The following CEP126 variants were observed in gnomAD, a reference collection of about 807,000 sequenced individuals.
CEP126 encodes the protein centrosomal protein of 126 kDa.
CEP126 carries 74 observed loss-of-function variants against 107.8 expected under a neutral mutation model. The observed-to-expected ratio is 0.69, with a 90% CI of 0.57 to 0.83. The LOEUF is 0.83. Among genes scored for constraint, CEP126 ranks in the 40% least tolerant of loss-of-function variants. CEP126 has a pLI of 0.00. For missense variants in CEP126, 1,237 were observed against 1,281.9 expected, an observed-to-expected ratio of 0.96 and a Z score of 0.53; for synonymous variants, 449 against 446.0, an observed-to-expected ratio of 1.01 and a Z score of -0.08.
intron 4 of CEP126, among the ~76,000 whole-genome samples, chr11:101,950,046 C>A (rs775727774): frequency 1.3e-5 from 2 of 152,194 alleles, no homozygotes; most frequent in Non-Finnish European, 1.5e-5. Flanking sequence ...AGCAAGGGAT[C>A]ATTCAGTCTC....
chr11:101,948,198 G>T, intron 4 of CEP126, 56 bp downstream of exon 4: 1 of 1,062,862 alleles, frequency 9.4e-7, no homozygotes, highest in South Asian at 1.6e-5. Flanking sequence ...TAACCATCTA[G>T]TTACTGTGCT....
At chr11:101,922,579 T>C (rs1235076566) in intron 1 of CEP126, 62 bp from the exon 2 acceptor site, 1 of 1,286,346 alleles carries the variant, frequency 7.8e-7, no homozygotes. Context: ...ATTTATCATA[T>C]AGCACTGACA....
chr11:101,953,248 C>T lies in CEP126; in HGVS notation c.507-4920C>T, dbSNP rs534329673. Among the ~76,000 whole-genome samples the T allele has an allele frequency of 1.6e-4, 25 of 152,272 alleles. 1 individual carries two copies. In the South Asian group the frequency reaches 5.0e-3, roughly 30 times the overall value. On this transcript the variant is annotated intron_variant, in intron 4 of 10. Transcript: ENST00000263468. ...CAGATACCTGTGGTTTCTTTGCAGT[C>T]CTCTTAGTCCAGATGTGGTTTACCA...
intron 9 of CEP126, among the ~76,000 whole-genome samples, chr11:101,991,016 T>C (rs980547296): frequency 6.6e-6 from 1 of 150,596 alleles, no homozygotes; most frequent in Non-Finnish European, 1.5e-5. Flanking sequence ...TACAAAAAAT[T>C]CAAAAAAAAA....
intron 2 of CEP126, among the ~76,000 whole-genome samples, chr11:101,942,076 C>G (rs1031353943): frequency 6.6e-6 from 1 of 151,912 alleles, no homozygotes; most frequent in African/African-American, 2.4e-5. Flanking sequence ...CTCTCATTTC[C>G]TGTGTGGCCT....
chr11:101,923,963 C>A (rs1325996804), intron 2 of CEP126, among the ~76,000 whole-genome samples: 1 of 152,096 alleles, frequency 6.6e-6, no homozygotes, highest in African/African-American at 2.4e-5. Flanking sequence ...CAGTGTCTGA[C>A]ACATAGGACT....
chr11:101,954,882 G>T (rs1345584113), intron 4 of CEP126, among the ~76,000 whole-genome samples: 1 of 152,074 alleles, frequency 6.6e-6, no homozygotes, highest in Admixed American at 6.5e-5. Context: ...TATTGAAAAT[G>T]TAATTAAGCT....
chr11:101,938,940 T>C lies in CEP126; in HGVS notation c.249-5325T>C, dbSNP rs1940630143. Among the ~76,000 whole-genome samples, 3 of 152,302 alleles carry C rather than the reference T, an allele frequency of 2.0e-5. No homozygotes were observed. In the South Asian group the frequency reaches 6.2e-4, roughly 32 times the overall value. On this transcript the variant is annotated intron_variant, in intron 2 of 10. Transcript: ENST00000263468. ...ATGTGTTTTGGTCAAAAACATACCC[T>C]GTAAGATTTTAATCTTATGAAATTC... is the stretch of plus-strand genomic sequence containing the variant.
At chr11:101,965,596 A>T (rs1941048855) in intron 6 of CEP126, among the ~76,000 whole-genome samples, 1 of 152,214 alleles carries the variant, frequency 6.6e-6, no homozygotes, top group African/African-American at 2.4e-5. Flanking sequence ...TCAGAATGTA[A>T]CTTTAGCTTT....
chr11:101,966,742 T>C (rs1467520440), intron 6 of CEP126, among the ~76,000 whole-genome samples: 2 of 152,216 alleles, frequency 1.3e-5, no homozygotes, highest in Non-Finnish European at 2.9e-5. Context: ...ATTCTGGACC[T>C]CATCAACATT....
In CEP126 at chr11:101,963,270, G is replaced by A. The variant is rs757844765; in HGVS notation, c.2235G>A (p.Lys745=). ...KIPVHDDSKT[K]QGKPQRGRAK... The stretch of plus-strand genomic sequence containing the variant: ...CTGTACATGATGATTCTAAAACTAA[G>A]CAAGGTAAGCCACAAAGAGGTAGAG... The change falls in exon 6 of 11, where the codon AAG becomes AAA. Residue 745 remains lysine (K), a synonymous_variant. Coordinates refer to ENST00000263468, the MANE Select transcript of CEP126 (RefSeq NM_020802.4). 2 of 1,613,970 alleles carry A rather than the reference G, an allele frequency of 1.2e-6. No homozygotes were observed. The highest frequency in any genetic ancestry group is 2.2e-5 in the South Asian group (2 of 91,066).
intron 8 of CEP126, among the ~76,000 whole-genome samples, chr11:101,985,833 C>G (rs551205230): frequency 1.3e-3 from 201 of 152,198 alleles, no homozygotes; most frequent in African/African-American, 4.5e-3. Context: ...GTCTCCATTA[C>G]TTTTAAGCTT....
rs75028509 is a variant in CEP126 at position 101,941,157 on chromosome 11, C to G, written c.249-3108C>G. ...AAGTAGAATACTCTATTATGACTCT[C>G]TATTTAATCGCTTTTGTTTTCTCTG... On this transcript the variant is annotated intron_variant, in intron 2 of 10. Transcript: ENST00000263468. Among the ~76,000 whole-genome samples, 50 of 152,296 alleles carry G rather than the reference C, an allele frequency of 3.3e-4. No individual in the cohort carries two copies. In the East Asian group the frequency reaches 8.5e-3, roughly 26 times the overall value.
intron 6 of CEP126, among the ~76,000 whole-genome samples, chr11:101,976,209 G>A (rs541981869): frequency 1.3e-5 from 2 of 152,166 alleles, no homozygotes; most frequent in East Asian, 3.8e-4. Flanking sequence ...CAGCATTTAA[G>A]TATTCCCTTT....
rs200937524 is a variant in CEP126, at chr11:101,986,879, G to A, written c.3082G>A (p.Ala1028Thr). 1.7e-4 allele frequency: 277 copies of A among 1,613,864 alleles called. No homozygotes were observed. The highest frequency in any genetic ancestry group is 1.5e-4 in the Non-Finnish European group (182 of 1,179,864). Reference sequence around the variant, plus strand: ...TTTGATGGCTGAAAACTTAGTGAAAGCATCAGTGCCGGAGGATGAGATTCT... The same window carrying A: ...TTTGATGGCTGAAAACTTAGTGAAAACATCAGTGCCGGAGGATGAGATTCT... The part of the protein sequence containing the change: ...EFLMAENLVK[A>T]SVPEDEILTV... Residue 1028 changes from alanine (A) to threonine (T), a missense_variant, in exon 9 of 11, where the codon GCA becomes ACA. Coordinates refer to ENST00000263468, the MANE Select transcript of CEP126 (RefSeq NM_020802.4).
At chr11:101,940,762 T>C (rs768427717) in intron 2 of CEP126, among the ~76,000 whole-genome samples, 9 of 152,240 alleles carry the variant, frequency 5.9e-5, no homozygotes, top group Non-Finnish European at 1.2e-4. Context: ...CTTTTCAGCA[T>C]GGTGATCTCA....
rs766628787 is a variant in CEP126 at position 101,962,949 on chromosome 11, T to A, written c.1914T>A (p.Asn638Lys). 6.2e-7 allele frequency: 1 copy of A among 1,610,280 alleles called. No homozygotes were observed. Among genetic ancestry groups the A allele is most frequent in the Non-Finnish European group, 8.5e-7 (1 of 1,179,086 alleles). The change falls in exon 6 of 11, where the codon AAT (asparagine) becomes AAA (lysine). Residue 638 changes from asparagine to lysine, a missense_variant. By Grantham distance (94) the Asn-to-Lys change is moderately conservative (BLOSUM62 0). This residue lies in a region of CEP126 where 1,134 missense variants were observed against 1,150.5 expected (regional missense o/e 0.99). Coordinates refer to ENST00000263468, the MANE Select transcript of CEP126 (RefSeq NM_020802.4). ...TGAGGTGGTTTGATGAAACTAGCAA[T>A]ATAGAAAACAATGCTGAAAACAGTC... ...KKLRWFDETS[N>K]IENNAENSHS...
Position 101,998,827 on chromosome 11 carries a change from C to G in CEP126, c.*1184C>G, listed in dbSNP as rs1431373578. The G allele has an allele frequency of 6.6e-6, 1 of 151,966 alleles. No individual in the cohort carries two copies. Among genetic ancestry groups the G allele is most frequent in the Non-Finnish European group, 1.5e-5 (1 of 67,990 alleles). The allele number at this position is 151,966 out of a possible 1,614,324, so 9.4% of individuals were successfully genotyped here. A position where few individuals can be genotyped will look rare whatever the true frequency, so the allele number is the denominator to read the frequency against. On this transcript the variant is annotated 3_prime_UTR_variant, in exon 11 of 11. Coordinates refer to ENST00000263468, the MANE Select transcript of CEP126 (RefSeq NM_020802.4). ...ACCCAAACCATGGGTATTTTTGTCT[C>G]CACTTTAGAGATGAGAAACTGAGCC...
chr11:101,930,414 C>G (rs1940478980), intron 2 of CEP126, among the ~76,000 whole-genome samples: 1 of 151,846 alleles, frequency 6.6e-6, no homozygotes. Flanking sequence ...ATTGTTGTGT[C>G]CCTTCTGGTG....
Sources: allele counts gnomAD v4.1 joint callset (sites outside exome capture counted in the v4.1 genomes callset), GRCh38; gene constraint gnomAD v4.1.1; regional missense constraint gnomAD v4.1.1; transcripts MANE v1.5; gene names NCBI Gene and HGNC (gene_info 2026-07-23, HGNC 2026-07-21).